The following ARHGAP39 variants were observed in gnomAD, a reference collection of about 807,000 sequenced individuals.
ARHGAP39 encodes the protein Rho GTPase activating protein 39, also known as rho GTPase-activating protein 39.
A neutral mutation model predicts 106.9 loss-of-function variants in ARHGAP39; 44 were observed. The ratio of observed to expected loss-of-function variants is 0.41; its 90% CI spans 0.32 to 0.53. ARHGAP39 has a LOEUF of 0.53. ARHGAP39 is among the 20% of genes least tolerant of loss of function. ARHGAP39 has a pLI of 0.21. For synonymous variants in ARHGAP39, 768 were observed against 693.2 expected, an observed-to-expected ratio of 1.11 and a Z score of -1.69; for missense variants, 1,496 against 1,577.3, an observed-to-expected ratio of 0.95 and a Z score of 0.87.
Position 144,530,074 on chromosome 8 carries a change from G to A in ARHGAP39, c.*348C>T, listed in dbSNP as rs955149678. ...GGCAAGGCCCAGGCCAGGGCGCGCA[G>A]GAGCCACAGGGAGGCAGCCCGGCCC... is the stretch of plus-strand genomic sequence containing the variant. On this transcript the variant is annotated 3_prime_UTR_variant, in exon 12 of 12. Transcript: ENST00000377307. 8 of 285,432 alleles carry A rather than the reference G, an allele frequency of 2.8e-5. No homozygotes were observed. Among genetic ancestry groups the A allele is most frequent in the East Asian group, 2.4e-4 (3 of 12,402 alleles). 17.7% of individuals were successfully genotyped at this position (285,432 alleles called of 1,614,324 possible). A position where few individuals can be genotyped will look rare whatever the true frequency, so the allele number is the denominator to read the frequency against.
chr8:144,579,826 G>A (rs1424163102), intron 3 of ARHGAP39, among the ~76,000 whole-genome samples: 3 of 152,112 alleles, frequency 2.0e-5, no homozygotes, highest in African/African-American at 7.2e-5. Context: ...CGAAAATCTG[G>A]TACTGGGGGA....
At chr8:144,543,521 C>T (rs532406317) in intron 6 of ARHGAP39, among the ~76,000 whole-genome samples, 15 of 152,358 alleles carry the variant, frequency 9.8e-5, no homozygotes, top group Non-Finnish European at 1.8e-4. Context: ...ATGCAGGCTA[C>T]CTGCCAGTGG....
At chr8:144,627,757 C>CA (rs529493019) in intron 1 of ARHGAP39, among the ~76,000 whole-genome samples, 31 of 152,066 alleles carry the variant, frequency 2.0e-4, no homozygotes, top group Admixed American at 3.9e-4. Flanking sequence ...GACCCTGTCT[C>CA]AAAAAAACAA....
At chr8:144,573,661 T>C (rs570822693) in intron 3 of ARHGAP39, among the ~76,000 whole-genome samples, 3 of 152,146 alleles carry the variant, frequency 2.0e-5, no homozygotes, top group Non-Finnish European at 4.4e-5. Flanking sequence ...TTAATTAACA[T>C]ATGCAGAACT....
chr8:144,645,619 T>C lies in ARHGAP39; in HGVS notation c.-81-39924A>G, dbSNP rs76117261. Among the ~76,000 whole-genome samples the C allele has an allele frequency of 6.6e-6, 1 of 152,258 alleles. No homozygotes were observed. Among genetic ancestry groups the C allele is most frequent in the African/African-American group, 2.4e-5 (1 of 41,470 alleles). On this transcript the variant is annotated intron_variant, in intron 1 of 11. Coordinates refer to ENST00000377307, the MANE Select transcript of ARHGAP39 (RefSeq NM_025251.3). This position sits in a 1 kb window ranked among gnomAD's most constrained non-coding sequence, Gnocchi z 4.4. ...CCGGCACAGAGTCCCATGAATGTCATCATCCCAGACGTGTTAGGAATGAAA... is the reference window on the plus strand; with the variant it reads ...CCGGCACAGAGTCCCATGAATGTCACCATCCCAGACGTGTTAGGAATGAAA...
At chr8:144,681,820 T>G (rs995222133) in intron 1 of ARHGAP39, among the ~76,000 whole-genome samples, 3 of 152,224 alleles carry the variant, frequency 2.0e-5, no homozygotes, top group Non-Finnish European at 4.4e-5. Flanking sequence ...GTGGAAGGGT[T>G]TTCCCTAATC....
At position 144,645,955 on chromosome 8, in the gene ARHGAP39, C is replaced by A. The variant is rs1821433796; in HGVS notation, c.-82+39731G>T. 6.6e-6 allele frequency among the ~76,000 whole-genome samples: 1 copy of A among 152,210 alleles called. No individual in the cohort carries two copies. The highest frequency in any genetic ancestry group is 2.1e-4 in the South Asian group (1 of 4,824). On this transcript the variant is annotated intron_variant, in intron 1 of 11. Coordinates refer to ENST00000377307, the MANE Select transcript of ARHGAP39 (RefSeq NM_025251.3). The surrounding 1 kb of genome is among the most constrained non-coding windows in gnomAD (Gnocchi z 4.4). ...CCATCTTTAGGATGTCACTGTGTAA[C>A]AACAGGGTAACACCCAGATGGCCCA...
intron 2 of ARHGAP39, among the ~76,000 whole-genome samples, chr8:144,597,674 G>A (rs1018384078): frequency 1.2e-4 from 18 of 152,174 alleles, no homozygotes; most frequent in Admixed American, 1.3e-4. Flanking sequence ...GATCAAATGG[G>A]AAAGGCAAAA....
At chr8:144,610,192 A>G (rs1820439488) in intron 1 of ARHGAP39, among the ~76,000 whole-genome samples, 1 of 152,218 alleles carries the variant, frequency 6.6e-6, no homozygotes, top group African/African-American at 2.4e-5. Context: ...CATTTTTGAC[A>G]TTGATATAAA....
intron 1 of ARHGAP39, among the ~76,000 whole-genome samples, chr8:144,676,435 G>A (rs374681504): frequency 3.5e-4 from 44 of 125,734 alleles, no homozygotes; most frequent in African/African-American, 1.6e-3. Context: ...TGACTGGTGC[G>A]TTTACAAACC....
At chr8:144,583,703 G>A (rs1819084798) in intron 2 of ARHGAP39, among the ~76,000 whole-genome samples, 1 of 152,240 alleles carries the variant, frequency 6.6e-6, no homozygotes, top group Non-Finnish European at 1.5e-5. Context: ...TTGTCATGTT[G>A]GCGGTGCTGT....
In ARHGAP39 at chr8:144,547,623, G is replaced by T; in HGVS notation, c.1463C>A (p.Ser488Tyr). ...QQDTLSSTGY[S>Y]PGTRKRKSRK... ...GCTCTTCCGCTTGCGCGTGCCCGGG[G>T]AGTAGCCTGTGGAGGACAGGGTGTC... Residue 488 changes from serine (S) to tyrosine (Y), a missense_variant, in exon 5 of 12, where the codon TCC (serine) becomes TAC (tyrosine). Physicochemically the swap from Ser to Tyr is moderately radical, Grantham distance 144. Around this residue, in one of 4 missense-constraint regions of ARHGAP39, gnomAD observed 905 missense variants for 816.4 expected, o/e 1.11. Coordinates refer to ENST00000377307, the MANE Select transcript of ARHGAP39 (RefSeq NM_025251.3). The surrounding 1 kb of genome is among the most constrained non-coding windows in gnomAD (Gnocchi z 5.2). The T allele has an allele frequency of 6.6e-7, 1 of 1,508,254 alleles. No homozygotes were observed. Among genetic ancestry groups the T allele is most frequent in the Non-Finnish European group, 8.9e-7 (1 of 1,129,638 alleles). The allele number at this position is 1,508,254 out of a possible 1,614,324, so 93.4% of individuals were successfully genotyped here. A position where few individuals can be genotyped will look rare whatever the true frequency, so the allele number is the denominator to read the frequency against.
At chr8:144,605,163 A>G (rs1175424197) in intron 2 of ARHGAP39, among the ~76,000 whole-genome samples, 1 of 152,136 alleles carries the variant, frequency 6.6e-6, no homozygotes, top group Non-Finnish European at 1.5e-5. Flanking sequence ...TTGGGAGGTG[A>G]GGTGGGAGGA....
intron 9 of ARHGAP39, 65 bp downstream of exon 9, chr8:144,533,061 C>T: frequency 1.9e-6 from 3 of 1,552,802 alleles, no homozygotes; most frequent in Non-Finnish European, 2.6e-6. Flanking sequence ...CCCCTGCATG[C>T]CACAGATGCA....
intron 1 of ARHGAP39, among the ~76,000 whole-genome samples, chr8:144,628,321 C>T (rs1408363094): frequency 6.6e-6 from 1 of 152,004 alleles, no homozygotes; most frequent in African/African-American, 2.4e-5. Context: ...GCAACCCAGT[C>T]ATTCAAGCAG....
At chr8:144,538,911 G>A (rs1351735805) in intron 6 of ARHGAP39, among the ~76,000 whole-genome samples, 1 of 152,100 alleles carries the variant, frequency 6.6e-6, no homozygotes, top group Non-Finnish European at 1.5e-5. Context: ...ATAATCCAAT[G>A]GGTCTTTATC....
chr8:144,579,699 G>C (rs920545077), intron 3 of ARHGAP39, among the ~76,000 whole-genome samples: 8 of 152,106 alleles, frequency 5.3e-5, no homozygotes, highest in South Asian at 4.1e-4. Flanking sequence ...GAGCTCTGTG[G>C]TTCACTCTGA....
chr8:144,534,094 G>A (rs764646235), intron 8 of ARHGAP39, 35 bp downstream of exon 8: 69 of 1,608,154 alleles, frequency 4.3e-5, no homozygotes, highest in South Asian at 8.8e-5. Context: ...CTGTGTCCCC[G>A]CCTGCCCTCC....
chr8:144,657,859 T>C (rs1036930497), intron 1 of ARHGAP39, among the ~76,000 whole-genome samples: 2 of 152,188 alleles, frequency 1.3e-5, no homozygotes, highest in Non-Finnish European at 2.9e-5. Flanking sequence ...AAAAGGTGCA[T>C]GTCTAAAACC....
Sources: allele counts gnomAD v4.1 joint callset (sites outside exome capture counted in the v4.1 genomes callset), GRCh38; gene constraint gnomAD v4.1.1; regional missense constraint gnomAD v4.1.1; non-coding constraint Gnocchi (gnomAD v3.1); transcripts MANE v1.5; gene names NCBI Gene and HGNC (gene_info 2026-07-23, HGNC 2026-07-21).